TIPRL: variants seen among roughly 807,000 people sequenced by gnomAD.
TIPRL encodes the protein TIP41-like protein.
Under a neutral mutation model 32.3 loss-of-function variants are expected in TIPRL, and 10 were observed. The ratio of observed to expected loss-of-function variants is 0.31; its 90% CI spans 0.19 to 0.52. The LOEUF is 0.52. Ranked by LOEUF, TIPRL falls within the 20% of genes least tolerant of loss-of-function variation. The probability of loss-of-function intolerance (pLI) is 0.96; values close to 1 mark genes in which losing one functional copy is unlikely to be tolerated. For synonymous variants in TIPRL, 100 were observed against 114.0 expected (o/e 0.88, Z 0.78); for missense variants, 250 against 328.1 (o/e 0.76, Z 1.84).
chr1:168,187,526 T>C (rs1700041695), intron 3 of TIPRL, among the ~76,000 whole-genome samples: 1 of 152,212 alleles, frequency 6.6e-6, no homozygotes, highest in African/African-American at 2.4e-5. Context: ...ACCCACTCAC[T>C]GGTGGTAATG....
intron 4 of TIPRL, chr1:168,192,096 G>C: frequency 8.4e-7 from 1 of 1,195,940 alleles, no homozygotes; most frequent in Non-Finnish European, 1.1e-6. Context: ...TCACATTTTG[G>C]ATTAAAAATG....
At chr1:168,185,068 A>G (rs966714269) in intron 3 of TIPRL, among the ~76,000 whole-genome samples, 190 bp downstream of exon 3, 4 of 152,232 alleles carry the variant, frequency 2.6e-5, no homozygotes, top group Admixed American at 2.6e-4. Flanking sequence ...AGACGGCATT[A>G]GTGGAAAAAT....
chr1:168,192,208 C>T, intron 4 of TIPRL: 1 of 1,490,722 alleles, frequency 6.7e-7, no homozygotes. Context: ...CAATTTTCAG[C>T]CTGGTGGCGG....
At chr1:168,185,761 C>G (rs1291270805) in intron 3 of TIPRL, among the ~76,000 whole-genome samples, 2 of 141,724 alleles carry the variant, frequency 1.4e-5, no homozygotes, top group Admixed American at 1.4e-4. Flanking sequence ...CAGAGTGAGA[C>G]TCTGTCTCAA....
intron 4 of TIPRL, among the ~76,000 whole-genome samples, 156 bp from the exon 5 acceptor site, chr1:168,196,391 G>A (rs1376296717): frequency 6.6e-6 from 1 of 152,164 alleles, no homozygotes; most frequent in Non-Finnish European, 1.5e-5. Flanking sequence ...TTGGAGCTAG[G>A]ACAAAGAGCT....
chr1:168,180,783 T>G (rs1221276752), intron 1 of TIPRL, among the ~76,000 whole-genome samples: 1 of 151,356 alleles, frequency 6.6e-6, no homozygotes, highest in Non-Finnish European at 1.5e-5. Flanking sequence ...TTTTGAGTTT[T>G]TCCTCTCTAT....
At position 168,183,890 on chromosome 1, in the gene TIPRL, G is replaced by A; in HGVS notation, c.105-12G>A. 1 of 1,599,608 alleles carries A rather than the reference G, an allele frequency of 6.3e-7. No individual in the cohort carries two copies. The highest frequency in any genetic ancestry group is 1.7e-5 in the Admixed American group (1 of 59,004). On this transcript the variant is annotated splice_polypyrimidine_tract_variant and intron_variant, in intron 1 of 6. Transcript: ENST00000367833. ...TATAAAATTATCTCACCCGACTTTT[G>A]GTTACGTATAGATTAGCCGATGAAT... is the stretch of plus-strand genomic sequence containing the variant.
At chr1:168,181,550 G>A (rs1699963214) in intron 1 of TIPRL, among the ~76,000 whole-genome samples, 1 of 150,284 alleles carries the variant, frequency 6.7e-6, no homozygotes, top group Non-Finnish European at 1.5e-5. Context: ...TTGCCGATTG[G>A]TGCAAAAGTA....
chr1:168,197,858 C>G (rs943237463), intron 5 of TIPRL, among the ~76,000 whole-genome samples: 1 of 152,036 alleles, frequency 6.6e-6, no homozygotes, highest in Non-Finnish European at 1.5e-5. Flanking sequence ...TTTAATTAAA[C>G]AATATTGAAT....
At chr1:168,187,145 G>A (rs1039015344) in intron 3 of TIPRL, among the ~76,000 whole-genome samples, 8 of 152,170 alleles carry the variant, frequency 5.3e-5, no homozygotes, top group African/African-American at 1.9e-4. Context: ...CTCCTTTACA[G>A]TCTAATGGGA....
In TIPRL at chr1:168,200,221, C is replaced by T. The variant is rs952859696; in HGVS notation, c.*175C>T. On this transcript the variant is annotated 3_prime_UTR_variant, in exon 7 of 7. Coordinates refer to ENST00000367833, the MANE Select transcript of TIPRL (RefSeq NM_152902.5). Reference sequence around the variant, plus strand: ...AGGTTTCACTCAACTGCTGTTTGTACTGTCTGTCTTCACATTCATATTCCA... The same window carrying T: ...AGGTTTCACTCAACTGCTGTTTGTATTGTCTGTCTTCACATTCATATTCCA... 16 of 585,620 alleles carry T rather than the reference C, an allele frequency of 2.7e-5. No homozygotes were observed. The African/African-American group carries it at 3.0e-4, about 11-fold the overall frequency. 36.3% of individuals were successfully genotyped at this position (585,620 alleles called of 1,614,324 possible).
At chr1:168,179,245 C>CTGCACAGAGTTCGCCCT in intron 1 of TIPRL, 64 bp downstream of exon 1, 1 of 1,465,670 alleles carries the variant, frequency 6.8e-7, no homozygotes, top group Non-Finnish European at 9.5e-7. Context: ...GGAGGCAGGG[C>CTGCACAGAGTTCGCCCT]GAACTCTGTG....
In TIPRL at chr1:168,178,997, G is replaced by C; in HGVS notation, c.-81G>C. 9 of 1,294,124 alleles carry C rather than the reference G, an allele frequency of 7.0e-6. No homozygotes were observed. The highest frequency in any genetic ancestry group is 8.6e-6 in the Non-Finnish European group (8 of 927,246). 80.2% of individuals were successfully genotyped at this position (1,294,124 alleles called of 1,614,324 possible). The stretch of plus-strand genomic sequence containing the variant: ...CTCGGAAGCCTAGGAGGCTGGGCCG[G>C]AGGGAGGCGGAGGAACCGGTGTTCG... On this transcript the variant is annotated 5_prime_UTR_variant, in exon 1 of 7. Coordinates refer to ENST00000367833, the MANE Select transcript of TIPRL (RefSeq NM_152902.5).
chr1:168,200,020 T>C lies in TIPRL; in HGVS notation c.793T>C (p.Ser265Pro). The C allele has an allele frequency of 6.2e-7, 1 of 1,613,134 alleles. No homozygotes were observed. The highest frequency in any genetic ancestry group is 8.5e-7 in the Non-Finnish European group (1 of 1,179,578). ...PERIDPNPAD[S>P]QKSTQVE Reference sequence around the variant, plus strand: ...AAGAATTGATCCTAACCCAGCAGACTCACAAAAAAGTACACAAGTGGAATA... The same window carrying C: ...AAGAATTGATCCTAACCCAGCAGACCCACAAAAAAGTACACAAGTGGAATA... Residue 265 changes from serine (S) to proline (P), a missense_variant, in exon 7 of 7, where the codon TCA becomes CCA. Transcript: ENST00000367833.
chr1:168,200,030 G>A lies in TIPRL; in HGVS notation c.803G>A (p.Ser268Asn). The change falls in exon 7 of 7, where the codon AGT becomes AAT. Residue 268 changes from serine to asparagine, a missense_variant. Ser to Asn is a conservative substitution (Grantham distance 46, BLOSUM62 1). Coordinates refer to ENST00000367833, the MANE Select transcript of TIPRL (RefSeq NM_152902.5). ...CCTAACCCAGCAGACTCACAAAAAA[G>A]TACACAAGTGGAATAAAATGTGATA... ...IDPNPADSQK[S>N]TQVE The A allele has an allele frequency of 1.9e-6, 3 of 1,613,120 alleles. No homozygotes were observed. Among genetic ancestry groups the A allele is most frequent in the African/African-American group, 1.3e-5 (1 of 74,986 alleles).
chr1:168,197,263 G>A (rs947058394), intron 5 of TIPRL, among the ~76,000 whole-genome samples: 2 of 148,038 alleles, frequency 1.4e-5, no homozygotes, highest in African/African-American at 2.5e-5. Context: ...AGGCTGCAGT[G>A]ACAGAGCAAG....
At chr1:168,197,387 C>G (rs2102313584) in intron 5 of TIPRL, among the ~76,000 whole-genome samples, 1 of 151,996 alleles carries the variant, frequency 6.6e-6, no homozygotes, top group South Asian at 2.1e-4. Context: ...GCTTTCTAAA[C>G]CCTTCACTTA....
intron 4 of TIPRL, among the ~76,000 whole-genome samples, chr1:168,192,755 G>A (rs1214408010): frequency 2.0e-5 from 3 of 152,086 alleles, no homozygotes; most frequent in Non-Finnish European, 2.9e-5. Flanking sequence ...GCGCAGTGGC[G>A]GGCGCCTGTA....
rs1186262130 is a variant in TIPRL, at chr1:168,198,919, G to T, written c.613G>T (p.Ala205Ser). Residue 205 changes from alanine to serine, a missense_variant and splice_region_variant, in exon 6 of 7, where the codon GCT becomes TCT. By Grantham distance (99) the Ala-to-Ser change is moderately conservative. Transcript: ENST00000367833. Reference sequence around the variant, plus strand: ...TGCAACTGTTTATTTTTAAATACAGGCTGACAAGACCTACATGTTACGAGA... The same window carrying T: ...TGCAACTGTTTATTTTTAAATACAGTCTGACAAGACCTACATGTTACGAGA... ...RMNDTRLYHE[A>S]DKTYMLREYT... The T allele has an allele frequency of 1.2e-6, 2 of 1,608,928 alleles. No homozygotes were observed. The highest frequency in any genetic ancestry group is 1.7e-6 in the Non-Finnish European group (2 of 1,177,428).
Sources: allele counts gnomAD v4.1 joint callset (sites outside exome capture counted in the v4.1 genomes callset), GRCh38; gene constraint gnomAD v4.1.1; transcripts MANE v1.5; gene names NCBI Gene and HGNC (gene_info 2026-07-23, HGNC 2026-07-21).